LRMDA: variants seen among roughly 807,000 people sequenced by gnomAD.
LRMDA encodes the protein leucine-rich melanocyte differentiation-associated protein.
In LRMDA, 18 loss-of-function variants were observed where a neutral mutation model predicts 29.8. The observed-to-expected ratio is 0.60, with a 90% CI of 0.42 to 0.90. LRMDA has a LOEUF of 0.90. LRMDA is among the 40% of genes least tolerant of loss of function. LRMDA has a pLI of 0.00. For missense variants in LRMDA, 273 were observed against 273.9 expected, an observed-to-expected ratio of 1.00 and a Z score of 0.02; for synonymous variants, 125 against 109.4, an observed-to-expected ratio of 1.14 and a Z score of -0.89.
At chr10:75,595,182 T>C (rs960109379) in intron 2 of LRMDA, among the ~76,000 whole-genome samples, 2 of 152,220 alleles carry the variant, frequency 1.3e-5, no homozygotes, top group Non-Finnish European at 2.9e-5. Flanking sequence ...TTTTATTTAC[T>C]AATGGCCCAT....
chr10:76,149,033 G>A (rs1213548143), intron 5 of LRMDA, among the ~76,000 whole-genome samples: 1 of 152,102 alleles, frequency 6.6e-6, no homozygotes, highest in African/African-American at 2.4e-5. Context: ...TAGAGTTTCT[G>A]TGTATATACA....
intron 2 of LRMDA, among the ~76,000 whole-genome samples, chr10:75,504,015 A>ATT (rs34217626): frequency 0.013 from 1,806 of 141,764 alleles, 22 homozygotes; most frequent in Non-Finnish European, 0.013. Context: ...TATTAATCCC[A>ATT]TTTTTTTTTT....
At chr10:76,388,991 T>A (rs1339315165) in intron 6 of LRMDA, among the ~76,000 whole-genome samples, 2 of 152,144 alleles carry the variant, frequency 1.3e-5, no homozygotes, top group African/African-American at 4.8e-5. Flanking sequence ...TAGGGACATA[T>A]GCAGAAGACC....
At chr10:75,762,542 C>A (rs1843110373) in intron 2 of LRMDA, among the ~76,000 whole-genome samples, 1 of 152,198 alleles carries the variant, frequency 6.6e-6, no homozygotes, top group South Asian at 2.1e-4. Flanking sequence ...GTCACATTCA[C>A]CTTGTAAACC....
intron 2 of LRMDA, among the ~76,000 whole-genome samples, chr10:75,598,856 A>G (rs1310199405): frequency 1.3e-5 from 2 of 152,228 alleles, no homozygotes; most frequent in Non-Finnish European, 2.9e-5. Context: ...TTTTCAATGT[A>G]TGTGGCATTT....
intron 2 of LRMDA, among the ~76,000 whole-genome samples, chr10:75,915,611 C>A (rs1845920477): frequency 6.6e-6 from 1 of 152,134 alleles, no homozygotes; most frequent in Non-Finnish European, 1.5e-5. Context: ...TTATCCAGAT[C>A]ACAGTTTGTA....
Position 75,827,007 on chromosome 10 carries a change from G to A in LRMDA, c.132-209001G>A, listed in dbSNP as rs140366938. On this transcript the variant is annotated intron_variant, in intron 2 of 6. Transcript: ENST00000611255. ...CCTGAGATCATTTTTGCATAAATCC[G>A]GCCTTCTATTTTCAGATACAAATCT... Among the ~76,000 whole-genome samples the A allele has an allele frequency of 2.3e-3, 353 of 152,018 alleles. 4 individuals carry two copies. The highest frequency in any genetic ancestry group is 8.1e-3 in the African/African-American group (337 of 41,434).
chr10:75,658,518 CG>C lies in LRMDA; in HGVS notation c.131+220028del, dbSNP rs372879309. ...GTTCTATGGAACCCAAGTTCTGGAGCGGGGTGGCTTCTGAAGTCAGGTCAGT... is the reference window on the plus strand; with the variant it reads ...GTTCTATGGAACCCAAGTTCTGGAGCGGGTGGCTTCTGAAGTCAGGTCAGT... On this transcript the variant is annotated intron_variant, in intron 2 of 6. Transcript: ENST00000611255. 3.9e-4 allele frequency among the ~76,000 whole-genome samples: 59 copies of C among 152,160 alleles called. No individual in the cohort carries two copies. In the South Asian group the frequency reaches 0.012, roughly 32 times the overall value.
At chr10:76,352,431 A>G (rs962549836) in intron 6 of LRMDA, among the ~76,000 whole-genome samples, 1 of 152,138 alleles carries the variant, frequency 6.6e-6, no homozygotes, top group Non-Finnish European at 1.5e-5. Context: ...ACAACAGCCA[A>G]TCCAATAGCT....
chr10:75,660,525 C>T (rs1351353251), intron 2 of LRMDA, among the ~76,000 whole-genome samples: 1 of 152,136 alleles, frequency 6.6e-6, no homozygotes, highest in African/African-American at 2.4e-5. Flanking sequence ...TAAAAGGCTC[C>T]GCAGTGAACC....
chr10:76,306,790 T>C (rs1432605066), intron 5 of LRMDA, among the ~76,000 whole-genome samples: 1 of 152,214 alleles, frequency 6.6e-6, no homozygotes, highest in African/African-American at 2.4e-5. Flanking sequence ...CGTGCTACTC[T>C]TTTGTACTGG....
At chr10:76,321,680 C>T (rs1325881094) in intron 5 of LRMDA, among the ~76,000 whole-genome samples, 1 of 152,224 alleles carries the variant, frequency 6.6e-6, no homozygotes, top group Admixed American at 6.5e-5. Context: ...CGCGGTGGCT[C>T]ATGCCTGTAA....
chr10:76,094,640 G>A (rs549684847), intron 5 of LRMDA, among the ~76,000 whole-genome samples: 1 of 152,140 alleles, frequency 6.6e-6, no homozygotes, highest in Non-Finnish European at 1.5e-5. Flanking sequence ...AATTAATACA[G>A]GTCCATGATA....
At chr10:75,900,248 A>C (rs1195723527) in intron 2 of LRMDA, among the ~76,000 whole-genome samples, 1 of 152,170 alleles carries the variant, frequency 6.6e-6, no homozygotes, top group Non-Finnish European at 1.5e-5. Context: ...AAGTCTGTCA[A>C]ATGTTTCCCT....
chr10:76,252,742 A>G (rs902831207), intron 5 of LRMDA, among the ~76,000 whole-genome samples: 3 of 152,170 alleles, frequency 2.0e-5, no homozygotes, highest in Non-Finnish European at 4.4e-5. Context: ...CTACTGCTAG[A>G]TATTGGAGGA....
At chr10:76,172,096 C>G (rs1306788641) in intron 5 of LRMDA, among the ~76,000 whole-genome samples, 1 of 152,150 alleles carries the variant, frequency 6.6e-6, no homozygotes, top group Non-Finnish European at 1.5e-5. Flanking sequence ...CTCAAGGGGA[C>G]TAATCTCTTC....
In LRMDA at chr10:75,975,907, C is replaced by T. The variant is rs369463241; in HGVS notation, c.132-60101C>T. The stretch of plus-strand genomic sequence containing the variant: ...AATGTTTCCTGAATCTCTTCCACCA[C>T]CACCCTGGGCCAAGCCACCATTACA... On this transcript the variant is annotated intron_variant, in intron 2 of 6. Coordinates refer to ENST00000611255, the MANE Select transcript of LRMDA (RefSeq NM_001305581.2). 2.2e-4 allele frequency among the ~76,000 whole-genome samples: 34 copies of T among 152,320 alleles called. No individual in the cohort carries two copies. The East Asian group carries it at 5.6e-3, about 25-fold the overall frequency.
At chr10:76,109,787 C>G (rs1396803272) in intron 5 of LRMDA, among the ~76,000 whole-genome samples, 2 of 152,144 alleles carry the variant, frequency 1.3e-5, no homozygotes, top group Non-Finnish European at 2.9e-5. Flanking sequence ...GTACTATAAA[C>G]CTTTGTTCAC....
intron 5 of LRMDA, among the ~76,000 whole-genome samples, chr10:76,147,900 A>G (rs1850359824): frequency 6.6e-6 from 1 of 152,110 alleles, no homozygotes; most frequent in African/African-American, 2.4e-5. Flanking sequence ...TTTTCCTTCT[A>G]ACAGACTGGA....
Sources: gnomAD v4.1 joint callset for allele counts (sites outside exome capture counted in the v4.1 genomes callset) on GRCh38, gnomAD v4.1.1 for gene constraint, MANE v1.5 for transcripts, NCBI Gene and HGNC (gene_info 2026-07-23, HGNC 2026-07-21) for gene names.